EVI5L: variants seen among roughly 807,000 people sequenced by gnomAD.
EVI5L encodes the protein ecotropic viral integration site 5 like.
Under a neutral mutation model 106.1 loss-of-function variants are expected in EVI5L, and 30 were observed. That is an observed-to-expected ratio of 0.28 (90% CI 0.21 to 0.38). The LOEUF is 0.38. Among genes scored for constraint, EVI5L ranks in the 10% least tolerant of loss-of-function variants. The pLI is 1.00. For synonymous variants in EVI5L, 489 were observed against 483.3 expected (o/e 1.01, Z -0.15); for missense variants, 809 against 1,098.0 (o/e 0.74, Z 3.72).
chr19:7,833,771 C>T (rs1016448751), intron 1 of EVI5L, among the ~76,000 whole-genome samples: 2 of 152,172 alleles, frequency 1.3e-5, no homozygotes, highest in Admixed American at 6.5e-5. Flanking sequence ...GGCTCCCCAG[C>T]AAAGGGGATC....
At chr19:7,836,130 G>A (rs1446394100) in intron 1 of EVI5L, among the ~76,000 whole-genome samples, 4 of 151,880 alleles carry the variant, frequency 2.6e-5, no homozygotes, top group African/African-American at 7.3e-5. Context: ...CCAGCTACTC[G>A]GGAGGCTGAG....
At position 7,835,148 on chromosome 19, in the gene EVI5L, T is replaced by C. The variant is rs1053055533; in HGVS notation, c.-48+4767T>C. Among the ~76,000 whole-genome samples the C allele has an allele frequency of 6.7e-6, 1 of 148,836 alleles. No homozygotes were observed. Among genetic ancestry groups the C allele is most frequent in the African/African-American group, 2.5e-5 (1 of 40,236 alleles). ...CAAGACCCTGTCTCTAAAAATAAAA[T>C]AAAAATAAAAATAAACAAAAAAAAT... On this transcript the variant is annotated intron_variant, in intron 1 of 19. Coordinates refer to ENST00000538904, the MANE Select transcript of EVI5L (RefSeq NM_001159944.3). The surrounding 1 kb of genome is among the most constrained non-coding windows in gnomAD (Gnocchi z 4.1).
Position 7,847,927 on chromosome 19 carries a change from G to T in EVI5L, c.327+6G>T. ...GGAAGGAGAAGCTGCTCAAGGTGGG[G>T]GGCGGCCAGGCAGGCAGGGCTGGGC... On this transcript the variant is annotated splice_donor_region_variant and intron_variant, in intron 3 of 19. Coordinates refer to ENST00000538904, the MANE Select transcript of EVI5L (RefSeq NM_001159944.3). 6.5e-7 allele frequency: 1 copy of T among 1,541,084 alleles called. No homozygotes were observed. Among genetic ancestry groups the T allele is most frequent in the Non-Finnish European group, 8.8e-7 (1 of 1,140,564 alleles).
rs1690252581 is a variant in EVI5L at position 7,845,936 on chromosome 19, G to A, written c.-47-560G>A. ...AACCCAAGGGGAGTCGACTCTTCTG[G>A]CCATTGGCAGCGCCAGACAATTAAC... On this transcript the variant is annotated intron_variant, in intron 1 of 19. Coordinates refer to ENST00000538904, the MANE Select transcript of EVI5L (RefSeq NM_001159944.3). This position sits in a 1 kb window ranked among gnomAD's most constrained non-coding sequence, Gnocchi z 4.0. 6.6e-6 allele frequency among the ~76,000 whole-genome samples: 1 copy of A among 152,220 alleles called. No homozygotes were observed. Among genetic ancestry groups the A allele is most frequent in the Non-Finnish European group, 1.5e-5 (1 of 68,042 alleles).
chr19:7,838,266 G>A (rs149780736), intron 1 of EVI5L, among the ~76,000 whole-genome samples: 1,615 of 152,008 alleles, frequency 0.011, 24 homozygotes, highest in African/African-American at 0.037. Context: ...GTGCCACCAC[G>A]CCCAGCAAAT....
rs144466688 is a variant in EVI5L at position 7,831,941 on chromosome 19, G to T, written c.-48+1560G>T. Among the ~76,000 whole-genome samples the T allele has an allele frequency of 6.1e-3, 927 of 152,384 alleles. 9 individuals carry two copies. Among genetic ancestry groups the T allele is most frequent in the African/African-American group, 0.022 (897 of 41,596 alleles). On this transcript the variant is annotated intron_variant, in intron 1 of 19. Coordinates refer to ENST00000538904, the MANE Select transcript of EVI5L (RefSeq NM_001159944.3). The stretch of plus-strand genomic sequence containing the variant: ...AGACCTGGGTCGGGGCCTGCCAGAA[G>T]CAGGCAGCTCTTTGTTAAGGAATAT...
intron 17 of EVI5L, 106 bp downstream of exon 17, chr19:7,862,640 C>A (rs1979878323): frequency 5.7e-6 from 6 of 1,049,984 alleles, no homozygotes; most frequent in Non-Finnish European, 7.5e-6. Context: ...GCCTCCCGAT[C>A]TGCCCCTGCC....
intron 17 of EVI5L, 78 bp downstream of exon 17, chr19:7,862,612 C>G: frequency 1.6e-6 from 2 of 1,249,102 alleles, no homozygotes; most frequent in Non-Finnish European, 2.1e-6. Context: ...GCCCCCAATC[C>G]GCCTCTGCCG....
In EVI5L at chr19:7,863,768, T is replaced by C. The variant is rs1335235666; in HGVS notation, c.*66T>C. The C allele has an allele frequency of 4.9e-6, 7 of 1,419,412 alleles. No homozygotes were observed. The highest frequency in any genetic ancestry group is 1.5e-5 in the South Asian group (1 of 65,802). The allele number at this position is 1,419,412 out of a possible 1,614,324, so 87.9% of individuals were successfully genotyped here. A position where few individuals can be genotyped will look rare whatever the true frequency, so the allele number is the denominator to read the frequency against. ...CGGGGGGCGCCCGGGCAGTCCGCGT[T>C]CTGCTCCCCACCTGCCGCACTTGAC... On this transcript the variant is annotated 3_prime_UTR_variant, in exon 20 of 20. Coordinates refer to ENST00000538904, the MANE Select transcript of EVI5L (RefSeq NM_001159944.3). This position sits in a 1 kb window ranked among gnomAD's most constrained non-coding sequence, Gnocchi z 7.7.
intron 1 of EVI5L, among the ~76,000 whole-genome samples, chr19:7,831,272 C>G (rs1035881353): frequency 1.7e-4 from 24 of 144,628 alleles, no homozygotes; most frequent in African/African-American, 5.3e-4. Context: ...CACACACACA[C>G]AGTCACTTAG....
At chr19:7,837,202 G>A (rs919816918) in intron 1 of EVI5L, among the ~76,000 whole-genome samples, 5 of 151,320 alleles carry the variant, frequency 3.3e-5, no homozygotes, top group East Asian at 2.0e-4. Flanking sequence ...GTGGTGGTGC[G>A]CACCTGTAAT....
intron 13 of EVI5L, among the ~76,000 whole-genome samples, chr19:7,860,118 C>G (rs1399950752): frequency 1.2e-4 from 18 of 152,328 alleles, no homozygotes; most frequent in African/African-American, 4.3e-4. Flanking sequence ...TCATCCTTCC[C>G]TGATTTGAAA....
Position 7,831,241 on chromosome 19 carries a change from A to ACACACG in EVI5L, c.-48+865_-48+866insGCACAC, listed in dbSNP as rs1208369254. 1.5e-3 allele frequency among the ~76,000 whole-genome samples: 82 copies of ACACACG among 53,980 alleles called. 2 individuals carry two copies. The East Asian group carries it at 0.031, about 20-fold the overall frequency. The allele number at this position is 53,980 out of a possible 152,430, so 35.4% of individuals were successfully genotyped here. On this transcript the variant is annotated intron_variant, in intron 1 of 19. Coordinates refer to ENST00000538904, the MANE Select transcript of EVI5L (RefSeq NM_001159944.3). Reference sequence around the variant, plus strand: ...GAAAACCCCAAACACACACACACACACACACACACACACACACACACACAC... The same window carrying ACACACG: ...GAAAACCCCAAACACACACACACACACACACGCACACACACACACACACACACACAC...
At chr19:7,842,653 TTATG>T (rs1172269467) in intron 1 of EVI5L, among the ~76,000 whole-genome samples, 5 of 149,592 alleles carry the variant, frequency 3.3e-5, no homozygotes, top group African/African-American at 9.9e-5. Flanking sequence ...ATGTGGGTGT[TTATG>T]TATCAAGTGT....
Position 7,857,975 on chromosome 19 carries a change from CCTCCCGGG to C in EVI5L, c.1234-211_1234-204del. 1 of 572,010 alleles carries C rather than the reference CCTCCCGGG, an allele frequency of 1.7e-6. No homozygotes were observed. The highest frequency in any genetic ancestry group is 3.1e-6 in the Non-Finnish European group (1 of 321,388). The allele number at this position is 572,010 out of a possible 1,614,324, so 35.4% of individuals were successfully genotyped here. A position where few individuals can be genotyped will look rare whatever the true frequency, so the allele number is the denominator to read the frequency against. On this transcript the variant is annotated intron_variant, in intron 12 of 19. Coordinates refer to ENST00000538904, the MANE Select transcript of EVI5L (RefSeq NM_001159944.3). This position sits in a 1 kb window ranked among gnomAD's most constrained non-coding sequence, Gnocchi z 4.5. ...TTCCAAGCCCAGGGCTAGCTCTGTT[CCTCCCGGG>C]CTCCTCCAGGTGTCCTATTCCTGCC...
In EVI5L at chr19:7,835,853, C is replaced by T. The variant is rs1978330836; in HGVS notation, c.-48+5472C>T. ...GCCAAGACAGCAGCAGTCTGTCAGG[C>T]TAGACAAATCGGGGTCACATGGCAT... On this transcript the variant is annotated intron_variant, in intron 1 of 19. Transcript: ENST00000538904. The surrounding 1 kb of genome is among the most constrained non-coding windows in gnomAD (Gnocchi z 4.1). 6.6e-6 allele frequency among the ~76,000 whole-genome samples: 1 copy of T among 152,290 alleles called. No homozygotes were observed. Among genetic ancestry groups the T allele is most frequent in the Non-Finnish European group, 1.5e-5 (1 of 68,024 alleles).
intron 14 of EVI5L, among the ~76,000 whole-genome samples, chr19:7,861,022 T>C (rs1215466657): frequency 2.6e-5 from 4 of 151,988 alleles, no homozygotes; most frequent in Admixed American, 1.3e-4. Context: ...CCCAGGCCCA[T>C]TGTGGCTGCC....
chr19:7,853,428 C>A, intron 10 of EVI5L, 95 bp downstream of exon 10: 1 of 1,502,192 alleles, frequency 6.7e-7, no homozygotes. Flanking sequence ...GGCGGGCCTT[C>A]CCAGCGCACA....
intron 1 of EVI5L, among the ~76,000 whole-genome samples, chr19:7,839,528 C>T (rs1053465331): frequency 6.6e-6 from 1 of 152,120 alleles, no homozygotes; most frequent in African/African-American, 2.4e-5. Context: ...CTTAGGCAGG[C>T]AATGACGTGG....
Sources: gnomAD v4.1 joint callset for allele counts (sites outside exome capture counted in the v4.1 genomes callset) on GRCh38, gnomAD v4.1.1 for gene constraint, Gnocchi (gnomAD v3.1) non-coding constraint, MANE v1.5 for transcripts, NCBI Gene and HGNC (gene_info 2026-07-23, HGNC 2026-07-21) for gene names.